The following GRID1 variants were observed in gnomAD, a reference collection of about 807,000 sequenced individuals.
The protein encoded by GRID1 is glutamate ionotropic receptor delta type subunit 1.
In GRID1, 28 loss-of-function variants were observed where a neutral mutation model predicts 98.0. The ratio of observed to expected loss-of-function variants is 0.29; its 90% CI spans 0.21 to 0.39. GRID1 has a LOEUF of 0.39. Among genes scored for constraint, GRID1 ranks in the 10% least tolerant of loss-of-function variants. The pLI is 1.00. For missense variants in GRID1, 1,111 were observed against 1,340.5 expected, an observed-to-expected ratio of 0.83 and a Z score of 2.67; for synonymous variants, 553 against 538.5, an observed-to-expected ratio of 1.03 and a Z score of -0.37.
At chr10:86,055,497 C>G (rs955634292) in intron 4 of GRID1, among the ~76,000 whole-genome samples, 9 of 152,106 alleles carry the variant, frequency 5.9e-5, no homozygotes, top group Admixed American at 4.6e-4. Context: ...AATCCTAGCA[C>G]TTTGGGAGGC....
chr10:85,858,806 A>G (rs1843138074), intron 6 of GRID1, among the ~76,000 whole-genome samples: 1 of 152,210 alleles, frequency 6.6e-6, no homozygotes, highest in Non-Finnish European at 1.5e-5. Flanking sequence ...CTCACACATC[A>G]GGGCAGAGTC....
At chr10:85,810,095 G>A (rs968125388) in intron 8 of GRID1, among the ~76,000 whole-genome samples, 1 of 150,776 alleles carries the variant, frequency 6.6e-6, no homozygotes, top group East Asian at 2.0e-4. Context: ...TAGCAACTTT[G>A]GGCCTCCAAC....
chr10:86,012,682 G>A (rs1242054861), intron 4 of GRID1, among the ~76,000 whole-genome samples: 1 of 152,074 alleles, frequency 6.6e-6, no homozygotes, highest in Non-Finnish European at 1.5e-5. Flanking sequence ...TGAAGTGCTA[G>A]AATAGGACTG....
At chr10:86,211,130 A>T (rs1413070465) in intron 2 of GRID1, among the ~76,000 whole-genome samples, 3 of 152,338 alleles carry the variant, frequency 2.0e-5, no homozygotes, top group Non-Finnish European at 1.5e-5. Context: ...CATGTGTGCC[A>T]TGAAAGGTCT....
rs149719720 is a variant in GRID1 at position 85,843,149 on chromosome 10, A to G, written c.1233+11347T>C. 2.9e-3 allele frequency among the ~76,000 whole-genome samples: 438 copies of G among 152,166 alleles called. 4 individuals carry two copies. Among genetic ancestry groups the G allele is most frequent in the African/African-American group, 1.0e-2 (414 of 41,560 alleles). On this transcript the variant is annotated intron_variant, in intron 8 of 15. Transcript: ENST00000327946. ...GAAATAGACCCACACAAATATGCCA[A>G]AATGATTTATGGCAAAGGTCCAAAA...
chr10:86,142,701 G>C (rs552168797), intron 3 of GRID1, among the ~76,000 whole-genome samples: 1 of 152,346 alleles, frequency 6.6e-6, no homozygotes, highest in Non-Finnish European at 1.5e-5. Flanking sequence ...GTTTACATAA[G>C]CATGTGTACC....
At chr10:86,023,744 C>A (rs1554847310) in intron 4 of GRID1, among the ~76,000 whole-genome samples, 1 of 152,084 alleles carries the variant, frequency 6.6e-6, no homozygotes, top group Non-Finnish European at 1.5e-5. Flanking sequence ...CACGAAAGAA[C>A]CCAGGCCTCC....
At position 85,602,484 on chromosome 10, in the gene GRID1, C is replaced by G; in HGVS notation, c.2819G>C (p.Ser940Thr). The G allele has an allele frequency of 6.2e-7, 1 of 1,614,140 alleles. No individual in the cohort carries two copies. Among genetic ancestry groups the G allele is most frequent in the Non-Finnish European group, 8.5e-7 (1 of 1,180,042 alleles). The change falls in exon 16 of 16, where the codon AGC becomes ACC. Residue 940 changes from serine (S) to threonine (T), a missense_variant. Ser to Thr is a moderately conservative substitution (Grantham distance 58, BLOSUM62 1). Transcript: ENST00000327946. Reference protein sequence around the residue: ...FLPEQSSHGTSRTLSSGPSSN... With the variant: ...FLPEQSSHGTTRTLSSGPSSN... ...GCTGGGCCCTGATGAGAGTGTCCGGCTGGTGCCATGGCTGCTCTGCTCTGG... is the reference window on the plus strand; with the variant it reads ...GCTGGGCCCTGATGAGAGTGTCCGGGTGGTGCCATGGCTGCTCTGCTCTGG...
At chr10:85,965,749 G>A (rs912498670) in intron 4 of GRID1, among the ~76,000 whole-genome samples, 15 of 151,706 alleles carry the variant, frequency 9.9e-5, no homozygotes, top group African/African-American at 1.5e-4. Context: ...ACAAACCTGC[G>A]TGTTCTGCAC....
At chr10:85,862,580 G>T (rs1843173846) in intron 6 of GRID1, among the ~76,000 whole-genome samples, 1 of 152,134 alleles carries the variant, frequency 6.6e-6, no homozygotes, top group African/African-American at 2.4e-5. Context: ...GGGAAAGGTA[G>T]GAGGCGTCTC....
At chr10:85,863,180 T>G (rs1386178837) in intron 6 of GRID1, among the ~76,000 whole-genome samples, 1 of 152,238 alleles carries the variant, frequency 6.6e-6, no homozygotes, top group Non-Finnish European at 1.5e-5. Context: ...CTCACCGTTC[T>G]GAAGCCTGGC....
intron 12 of GRID1, among the ~76,000 whole-genome samples, chr10:85,707,369 T>C (rs1258082843): frequency 1.3e-5 from 2 of 152,038 alleles, no homozygotes; most frequent in Non-Finnish European, 2.9e-5. Flanking sequence ...GAAAAAATGC[T>C]CATCACTGGC....
At chr10:85,759,577 T>A (rs1001541437) in intron 8 of GRID1, among the ~76,000 whole-genome samples, 1 of 152,152 alleles carries the variant, frequency 6.6e-6, no homozygotes, top group Non-Finnish European at 1.5e-5. Flanking sequence ...TCCTCCTGGG[T>A]GGTAAAAGGC....
At position 86,206,319 on chromosome 10, in the gene GRID1, A is replaced by G. The variant is rs771174130; in HGVS notation, c.520+45T>C. 4 of 1,553,036 alleles carry G rather than the reference A, an allele frequency of 2.6e-6. No homozygotes were observed. Among genetic ancestry groups the G allele is most frequent in the Non-Finnish European group, 3.5e-6 (4 of 1,145,964 alleles). On this transcript the variant is annotated intron_variant, in intron 3 of 15. Transcript: ENST00000327946. The surrounding 1 kb of genome is among the most constrained non-coding windows in gnomAD (Gnocchi z 4.1). ...CTCTCAGGTCTCCCAGCATCTGGCC[A>G]TCCCTGTCCCCAAGCAGCCCCAGCT...
chr10:86,252,850 G>A (rs1846858882), intron 2 of GRID1, among the ~76,000 whole-genome samples: 1 of 152,208 alleles, frequency 6.6e-6, no homozygotes, highest in Non-Finnish European at 1.5e-5. Context: ...GAGTCTCCAA[G>A]CAAAGTCATA....
At chr10:85,866,538 TG>T (rs1257054651) in intron 6 of GRID1, among the ~76,000 whole-genome samples, 1 of 152,054 alleles carries the variant, frequency 6.6e-6, no homozygotes, top group Non-Finnish European at 1.5e-5. Flanking sequence ...AATACCCCAA[TG>T]GGCACTTTTT....
At chr10:85,610,510 T>C (rs1842720358) in intron 15 of GRID1, among the ~76,000 whole-genome samples, 1 of 152,196 alleles carries the variant, frequency 6.6e-6, no homozygotes, top group African/African-American at 2.4e-5. Flanking sequence ...AGGGTTTGTA[T>C]CAATGCTTCA....
chr10:86,120,648 T>G (rs1373210242), intron 4 of GRID1, among the ~76,000 whole-genome samples: 1 of 152,242 alleles, frequency 6.6e-6, no homozygotes, highest in Non-Finnish European at 1.5e-5. Flanking sequence ...ACTAGAGTCC[T>G]ATATAACCAC....
chr10:86,008,724 C>T (rs1564648671), intron 4 of GRID1, among the ~76,000 whole-genome samples: 1 of 152,124 alleles, frequency 6.6e-6, no homozygotes, highest in Admixed American at 6.5e-5. Context: ...TTTATGGACA[C>T]AGATTAAGAA....
Sources: gnomAD v4.1 joint callset for allele counts (sites outside exome capture counted in the v4.1 genomes callset) on GRCh38, gnomAD v4.1.1 for gene constraint, Gnocchi (gnomAD v3.1) non-coding constraint, MANE v1.5 for transcripts, NCBI Gene and HGNC (gene_info 2026-07-23, HGNC 2026-07-21) for gene names.